RNF213: variants seen among roughly 807,000 people sequenced by gnomAD.
RNF213 encodes ring finger protein 213.
RNF213 carries 341 observed loss-of-function variants against 514.4 expected under a neutral mutation model. The observed-to-expected ratio is 0.66, with a 90% CI of 0.61 to 0.73. The LOEUF is 0.73. Ranked by LOEUF, RNF213 falls within the 30% of genes least tolerant of loss-of-function variation. RNF213 has a pLI of 0.00. For missense variants in RNF213, 5,767 were observed against 6,615.6 expected (o/e 0.87, Z 4.45); for synonymous variants, 2,655 against 2,658.2 (o/e 1.00, Z 0.04).
chr17:80,268,388 T>G (rs530939636), intron 2 of RNF213, among the ~76,000 whole-genome samples: 2 of 144,350 alleles, frequency 1.4e-5, no homozygotes, highest in Non-Finnish European at 1.5e-5. Context: ...AAGGCAGTAC[T>G]GCATCCCCGG....
intron 20 of RNF213, among the ~76,000 whole-genome samples, chr17:80,331,501 G>T (rs1310336226): frequency 6.6e-6 from 1 of 150,844 alleles, no homozygotes; most frequent in East Asian, 1.9e-4. Context: ...TGATTCTCCT[G>T]CCTCAGCCTC....
intron 54 of RNF213, among the ~76,000 whole-genome samples, chr17:80,378,084 C>T (rs2079834752): frequency 6.6e-6 from 1 of 152,216 alleles, no homozygotes; most frequent in South Asian, 2.1e-4. Flanking sequence ...ATGCCAGGAG[C>T]ACCCACTCCT....
At chr17:80,301,268 A>G (rs1009366518) in intron 11 of RNF213, among the ~76,000 whole-genome samples, 1 of 152,184 alleles carries the variant, frequency 6.6e-6, no homozygotes, top group Non-Finnish European at 1.5e-5. Flanking sequence ...TTGGAGAAAA[A>G]TTATGGAGAA....
At chr17:80,378,030 G>A (rs2079832930) in intron 54 of RNF213, among the ~76,000 whole-genome samples, 1 of 152,212 alleles carries the variant, frequency 6.6e-6, no homozygotes. Context: ...GCTGTCCTGT[G>A]CACTGCAGGC....
At chr17:80,349,726 T>C in intron 29 of RNF213, 44 bp from the exon 30 acceptor site, 2 of 1,610,656 alleles carry the variant, frequency 1.2e-6, no homozygotes, top group Non-Finnish European at 1.7e-6. Flanking sequence ...CTTGCAACCT[T>C]TCCTTGAAGT....
Position 80,354,101 on chromosome 17 carries a change from G to T in RNF213, c.10661G>T (p.Cys3554Phe). The change falls in exon 35 of 68, where the codon TGC becomes TTC. Residue 3554 changes from cysteine (C) to phenylalanine (F), a missense_variant. This residue lies in a region of RNF213 where 919 missense variants were observed against 1,121.0 expected (regional missense o/e 0.82). Coordinates refer to ENST00000582970, the MANE Select transcript of RNF213 (RefSeq NM_001256071.3). Reference protein sequence around the residue: ...VGMLRDQNESCTRNMRRVVLL... With the variant: ...VGMLRDQNESFTRNMRRVVLL... ...ATGCTCAGAGACCAGAACGAGAGCT[G>T]CACGCGCAATATGCGGAGGGTGGTG... 1.2e-6 allele frequency: 2 copies of T among 1,614,108 alleles called. No individual in the cohort carries two copies. Among genetic ancestry groups the T allele is most frequent in the South Asian group, 2.2e-5 (2 of 91,086 alleles).
intron 25 of RNF213, 61 bp downstream of exon 25, chr17:80,338,058 T>C: frequency 6.6e-7 from 1 of 1,522,210 alleles, no homozygotes. Context: ...GTGAGGGCTG[T>C]GTACTCCCAA....
At position 80,263,116 on chromosome 17, in the gene RNF213, T is replaced by C. The variant is rs1330230238; in HGVS notation, c.-108-458T>C. On this transcript the variant is annotated intron_variant, in intron 1 of 67. Transcript: ENST00000582970. The surrounding 1 kb of genome is among the most constrained non-coding windows in gnomAD (Gnocchi z 4.9). ...GTTTGATGCCATCCACCGCAGAGGCTGTTCTGAGGGCAGGTGGTCAGTGCA... is the reference window on the plus strand; with the variant it reads ...GTTTGATGCCATCCACCGCAGAGGCCGTTCTGAGGGCAGGTGGTCAGTGCA... Among the ~76,000 whole-genome samples, 2 of 152,208 alleles carry C rather than the reference T, an allele frequency of 1.3e-5. No individual in the cohort carries two copies. The highest frequency in any genetic ancestry group is 2.9e-5 in the Non-Finnish European group (2 of 68,026).
chr17:80,269,610 A>G (rs1167983649), intron 2 of RNF213, among the ~76,000 whole-genome samples: 4 of 151,570 alleles, frequency 2.6e-5, no homozygotes, highest in Non-Finnish European at 5.9e-5. Context: ...CTGTTTATCT[A>G]TCATCTGTCT....
At position 80,328,559 on chromosome 17, in the gene RNF213, G is replaced by A. The variant is rs1210102686; in HGVS notation, c.3517+82G>A. ...ACAGTAAGAATGGATCACAGTAGCA[G>A]ATCTTTATTTTGGAGAGAAGGCTTT... On this transcript the variant is annotated intron_variant, in intron 20 of 67. Coordinates refer to ENST00000582970, the MANE Select transcript of RNF213 (RefSeq NM_001256071.3). The A allele has an allele frequency of 5.8e-6, 8 of 1,379,780 alleles. No homozygotes were observed. In the East Asian group the frequency reaches 1.8e-4, roughly 31 times the overall value. The allele number at this position is 1,379,780 out of a possible 1,614,324, so 85.5% of individuals were successfully genotyped here. A position where few individuals can be genotyped will look rare whatever the true frequency, so the allele number is the denominator to read the frequency against.
At chr17:80,284,710 C>T (rs1255051506) in intron 3 of RNF213, among the ~76,000 whole-genome samples, 2 of 152,234 alleles carry the variant, frequency 1.3e-5, no homozygotes, top group South Asian at 2.1e-4. Flanking sequence ...GCCTTCCGGA[C>T]GGCTCCCCCA....
rs370235044 is a variant in RNF213, at chr17:80,288,220, C to G, written c.667C>G (p.Pro223Ala). The G allele has an allele frequency of 1.9e-6, 3 of 1,612,936 alleles. No homozygotes were observed. The African/African-American group carries it at 4.0e-5, about 22-fold the overall frequency. The change falls in exon 4 of 68, where the codon CCC becomes GCC. Residue 223 changes from proline (P) to alanine (A), a missense_variant. Coordinates refer to ENST00000582970, the MANE Select transcript of RNF213 (RefSeq NM_001256071.3). The surrounding 1 kb of genome is among the most constrained non-coding windows in gnomAD (Gnocchi z 4.9). ...AGGCCTGTCCCAGGAGGGGACCGGT[C>G]CCCCCACCTCTGCTGGTGAAGGCCA... ...GRGLSQEGTGPPTSAGEGHSR... is the reference protein window; with the variant it reads ...GRGLSQEGTGAPTSAGEGHSR...
intron 2 of RNF213, among the ~76,000 whole-genome samples, chr17:80,269,657 AATCTATCC>A (rs1178444400): frequency 6.6e-6 from 1 of 150,698 alleles, no homozygotes; most frequent in African/African-American, 2.4e-5. Flanking sequence ...TTCATCCATC[AATCTATCC>A]ATCCATCCAT....
intron 20 of RNF213, 121 bp downstream of exon 20, chr17:80,328,598 T>A (rs191818317): frequency 5.9e-5 from 56 of 950,932 alleles, no homozygotes; most frequent in Non-Finnish European, 7.7e-5. Flanking sequence ...ATTTTTTTTT[T>A]AATTTGCATT....
Position 80,337,578 on chromosome 17 carries a change from C to A in RNF213, c.4528-8C>A. The A allele has an allele frequency of 6.5e-7, 1 of 1,537,194 alleles. No homozygotes were observed. The highest frequency in any genetic ancestry group is 1.2e-5 in the South Asian group (1 of 84,058). The stretch of plus-strand genomic sequence containing the variant: ...CGTGGCCCGTGTTCTCTCCTTTTGT[C>A]CCCATAGTGTGACTCCGCCAGGAAC... On this transcript the variant is annotated splice_region_variant and splice_polypyrimidine_tract_variant and intron_variant, in intron 23 of 67. Coordinates refer to ENST00000582970, the MANE Select transcript of RNF213 (RefSeq NM_001256071.3).
intron 14 of RNF213, among the ~76,000 whole-genome samples, chr17:80,311,230 AT>A (rs1445682305): frequency 6.6e-6 from 1 of 152,248 alleles, no homozygotes; most frequent in Admixed American, 6.5e-5. Context: ...CAATACTAAA[AT>A]TAAACAAAGC....
chr17:80,382,051 C>A, intron 57 of RNF213: 1 of 365,120 alleles, frequency 2.7e-6, no homozygotes, highest in Non-Finnish European at 5.3e-6. Context: ...GTCTTCAGTT[C>A]CGAAGTCAGC....
At chr17:80,371,459 C>A (rs1287871805) in intron 46 of RNF213, among the ~76,000 whole-genome samples, 1 of 152,232 alleles carries the variant, frequency 6.6e-6, no homozygotes, top group African/African-American at 2.4e-5. Flanking sequence ...ACTCTTCTCA[C>A]GGATTCATGT....
At chr17:80,341,266 G>A (rs1389402427) in intron 26 of RNF213, 1 of 152,284 alleles carries the variant, frequency 6.6e-6, no homozygotes, top group Non-Finnish European at 1.5e-5. Flanking sequence ...GCCCTTAAAT[G>A]CCACTGGCCT....
Sources: allele counts gnomAD v4.1 joint callset (sites outside exome capture counted in the v4.1 genomes callset), GRCh38; gene constraint gnomAD v4.1.1; regional missense constraint gnomAD v4.1.1; non-coding constraint Gnocchi (gnomAD v3.1); transcripts MANE v1.5; gene names NCBI Gene and HGNC (gene_info 2026-07-23, HGNC 2026-07-21).